PCNT: variants seen among roughly 807,000 people sequenced by gnomAD.
PCNT encodes the protein kendrin.
Under a neutral mutation model 380.4 loss-of-function variants are expected in PCNT, and 319 were observed. The observed-to-expected ratio is 0.84, with a 90% confidence interval of 0.77 to 0.92. The LOEUF is 0.92. Among genes scored for constraint, PCNT ranks in the 40% least tolerant of loss-of-function variants. The pLI is 0.00. For missense variants in PCNT, 4,400 were observed against 4,255.3 expected (o/e 1.03, Z -0.95); for synonymous variants, 1,845 against 1,735.2 (o/e 1.06, Z -1.57).
chr21:46,418,201 CAGG>C lies in PCNT; in HGVS notation c.6922_6924del (p.Glu2308del). ...TTATGACCATTTAAAAATCTCTTAA[CAGG>C]AGAAAGATGTCGAAGATTTTATCAC... On this transcript the variant is annotated splice_acceptor_variant and coding_sequence_variant, in exon 31 of 47. Coordinates refer to ENST00000359568, the MANE Select transcript of PCNT (RefSeq NM_006031.6). LOFTEE classifies it high-confidence loss of function. 3 of 1,553,304 alleles carry C rather than the reference CAGG, an allele frequency of 1.9e-6. No individual in the cohort carries two copies. In the South Asian group the frequency reaches 3.3e-5, roughly 17 times the overall value.
At chr21:46,364,987 A>G (rs2084848675) in intron 14 of PCNT, among the ~76,000 whole-genome samples, 2 of 152,366 alleles carry the variant, frequency 1.3e-5, no homozygotes, top group South Asian at 4.1e-4. Flanking sequence ...GGCATTTTGC[A>G]GGACCCTCCA....
Position 46,392,091 on chromosome 21 carries a change from A to T in PCNT, c.4216+715A>T, listed in dbSNP as rs146787663. 6.9e-3 allele frequency among the ~76,000 whole-genome samples: 1,045 copies of T among 151,786 alleles called. 5 individuals carry two copies. Among genetic ancestry groups the T allele is most frequent in the Non-Finnish European group, 0.011 (756 of 67,908 alleles). The stretch of plus-strand genomic sequence containing the variant: ...TTCAGAAGTCTCATTTATTATTATT[A>T]TTATTTTTTTACATTTTTCTCTTTA... On this transcript the variant is annotated intron_variant, in intron 21 of 46. Coordinates refer to ENST00000359568, the MANE Select transcript of PCNT (RefSeq NM_006031.6).
intron 15 of PCNT, among the ~76,000 whole-genome samples, chr21:46,369,539 A>T (rs2085045766): frequency 6.6e-6 from 1 of 152,276 alleles, no homozygotes; most frequent in Non-Finnish European, 1.5e-5. Flanking sequence ...GCTTTGGAGA[A>T]TAGCACTTGT....
Position 46,412,126 on chromosome 21 carries a change from G to A in PCNT, c.5994+59G>A, listed in dbSNP as rs73909504. On this transcript the variant is annotated intron_variant, in intron 28 of 46. Transcript: ENST00000359568. ...TTTTTTTACTCTCCTTTTCTCCTTT[G>A]ATGTCAATGACTTCTCTCTGCGCTG... is the stretch of plus-strand genomic sequence containing the variant. The A allele has an allele frequency of 0.091, 141,644 of 1,562,102 alleles. 11,959 individuals are homozygous for A. Among genetic ancestry groups the A allele is most frequent in the African/African-American group, 0.45 (33,296 of 74,080 alleles).
rs527475761 is a variant in PCNT, at chr21:46,388,637, G to A, written c.3465-105G>A. ...TCCGGCCCCGTGGGGACAGGCAGCCGTGGGCCGAGGTGTGCAAACTGGTGG... is the reference window on the plus strand; with the variant it reads ...TCCGGCCCCGTGGGGACAGGCAGCCATGGGCCGAGGTGTGCAAACTGGTGG... On this transcript the variant is annotated intron_variant, in intron 17 of 46. Transcript: ENST00000359568. The surrounding 1 kb of genome is among the most constrained non-coding windows in gnomAD (Gnocchi z 4.2). 20 of 1,420,912 alleles carry A rather than the reference G, an allele frequency of 1.4e-5. No individual in the cohort carries two copies. Among genetic ancestry groups the A allele is most frequent in the Non-Finnish European group, 1.7e-5 (17 of 1,018,116 alleles). The allele number at this position is 1,420,912 out of a possible 1,614,324, so 88.0% of individuals were successfully genotyped here.
In PCNT at chr21:46,346,956, CG is replaced by C. The variant is rs1569178132; in HGVS notation, c.937del (p.Glu313ArgfsTer16). On this transcript the variant is annotated frameshift_variant, in exon 5 of 47. Coordinates refer to ENST00000359568, the MANE Select transcript of PCNT (RefSeq NM_006031.6). LOFTEE classifies it high-confidence loss of function. ...ELELLREQHA[R>X]EKEEVVLRCG... ...GGAGCTCCTCAGGGAGCAGCACGCA[CG>C]GGAGAAGGAGGAGGTGGTGCTCAGG... 2 of 1,596,716 alleles carry C rather than the reference CG, an allele frequency of 1.3e-6. No individual in the cohort carries two copies.
Position 46,431,744 on chromosome 21 carries a change from C to T in PCNT, c.8280C>T (p.Ala2760=). Residue 2760 remains alanine, a synonymous_variant, in exon 38 of 47, where the codon GCC becomes GCT. Transcript: ENST00000359568. ...GCCGCACCCTGGAGCTGTCAGAGGC[C>T]TTGCGGCACGAGCGGCTCCTGACCG... ...EKSRTLELSE[A]LRHERLLTEQ... The T allele has an allele frequency of 1.9e-6, 3 of 1,612,506 alleles. No homozygotes were observed. Among genetic ancestry groups the T allele is most frequent in the Non-Finnish European group, 2.5e-6 (3 of 1,179,876 alleles).
chr21:46,407,113 G>A (rs938341229), intron 27 of PCNT, among the ~76,000 whole-genome samples: 1 of 152,190 alleles, frequency 6.6e-6, no homozygotes, highest in Admixed American at 6.5e-5. Context: ...TTTTCTGAAA[G>A]AGGTTATTTA....
chr21:46,433,783 T>G (rs1481304938), intron 38 of PCNT, among the ~76,000 whole-genome samples: 1 of 152,184 alleles, frequency 6.6e-6, no homozygotes, highest in African/African-American at 2.4e-5. Context: ...TTATTAATTT[T>G]TTTTTTGAGG....
chr21:46,325,675 G>A (rs928185137), intron 1 of PCNT, among the ~76,000 whole-genome samples: 15 of 152,202 alleles, frequency 9.9e-5, no homozygotes, highest in African/African-American at 3.6e-4. Context: ...GGGAACAGAT[G>A]TCTCCCCGTG....
rs1470060670 is a variant in PCNT at position 46,425,466 on chromosome 21, T to C, written c.7180-365T>C. Among the ~76,000 whole-genome samples, 2 of 152,252 alleles carry C rather than the reference T, an allele frequency of 1.3e-5. No homozygotes were observed. The highest frequency in any genetic ancestry group is 4.8e-5 in the African/African-American group (2 of 41,466). The stretch of plus-strand genomic sequence containing the variant: ...GGGAGTGTGTGATATGTTTGTGATC[T>C]CGCTGTGGACATTGGCCTAAAGCCC... On this transcript the variant is annotated intron_variant, in intron 32 of 46. Transcript: ENST00000359568. The surrounding 1 kb of genome is among the most constrained non-coding windows in gnomAD (Gnocchi z 4.2).
At chr21:46,349,305 G>C in intron 7 of PCNT, 119 bp downstream of exon 7, 1 of 901,892 alleles carries the variant, frequency 1.1e-6, no homozygotes, top group Non-Finnish European at 1.9e-6. Context: ...CTAAATGCTG[G>C]ATGGCCCCAT....
At chr21:46,431,051 A>T (rs765831593) in intron 37 of PCNT, 41 of 985,304 alleles carry the variant, frequency 4.2e-5, no homozygotes, top group Non-Finnish European at 4.8e-5. Flanking sequence ...GTGGCTTCTG[A>T]GCAAGTCTGT....
chr21:46,366,787 AG>A lies in PCNT; in HGVS notation c.2818del (p.Ala940LeufsTer51). ...CTGACAGCCTCCTTAGAGAGCAAGCAGGGGGCTCTGCTGGCTGCACGTGTGG... is the reference window on the plus strand; with the variant it reads ...CTGACAGCCTCCTTAGAGAGCAAGCAGGGGCTCTGCTGGCTGCACGTGTGG... ...GELTASLESK[Q>X]GALLAARVAE... On this transcript the variant is annotated frameshift_variant, in exon 15 of 47. Transcript: ENST00000359568. LOFTEE classifies it high-confidence loss of function. The A allele has an allele frequency of 6.2e-7, 1 of 1,613,770 alleles. No individual in the cohort carries two copies. The highest frequency in any genetic ancestry group is 8.5e-7 in the Non-Finnish European group (1 of 1,180,034).
At chr21:46,401,331 T>A (rs1360112864) in intron 25 of PCNT, among the ~76,000 whole-genome samples, 3 of 152,220 alleles carry the variant, frequency 2.0e-5, no homozygotes. Flanking sequence ...GGGCACAGGC[T>A]GTGGCTCTCA....
In PCNT at chr21:46,402,440, C is replaced by CT. The variant is rs2086459276; in HGVS notation, c.5073dup (p.Val1692CysfsTer7). On this transcript the variant is annotated frameshift_variant, in exon 27 of 47. Coordinates refer to ENST00000359568, the MANE Select transcript of PCNT (RefSeq NM_006031.6). LOFTEE classifies it high-confidence loss of function. ...TTGGACATGCAGAACAGCCAGACTG[C>CT]TGTCAGCCTCAGAGAACTTGAGGAA... is the stretch of plus-strand genomic sequence containing the variant. 6.2e-7 allele frequency: 1 copy of CT among 1,613,958 alleles called. No individual in the cohort carries two copies.
At chr21:46,379,060 G>A (rs1184442698) in intron 15 of PCNT, among the ~76,000 whole-genome samples, 1 of 152,192 alleles carries the variant, frequency 6.6e-6, no homozygotes, top group Non-Finnish European at 1.5e-5. Context: ...CTTCCTCTGG[G>A]ATTTCTTGAA....
At chr21:46,435,168 C>A (rs143180270) in intron 38 of PCNT, among the ~76,000 whole-genome samples, 2 of 152,230 alleles carry the variant, frequency 1.3e-5, no homozygotes, top group Non-Finnish European at 1.5e-5. Context: ...GAGGGGCCTC[C>A]CCTGTAACGC....
rs1226864050 is a variant in PCNT at position 46,326,455 on chromosome 21, G to A, written c.133G>A (p.Ala45Thr). Residue 45 changes from alanine to threonine, a missense_variant, in exon 2 of 47, where the codon GCT (alanine) becomes ACT (threonine). Ala to Thr is a moderately conservative substitution (Grantham distance 58, BLOSUM62 0). Coordinates refer to ENST00000359568, the MANE Select transcript of PCNT (RefSeq NM_006031.6). ...EKKTAKRKGS[A>T]VDASVQEESP... ...AAAGACGGCGAAGAGGAAGGGCTCG[G>A]CTGTCGATGCGTCTGTCCAGGAGGA... The A allele has an allele frequency of 1.9e-6, 3 of 1,614,134 alleles. No homozygotes were observed. The highest frequency in any genetic ancestry group is 2.7e-5 in the African/African-American group (2 of 74,950).
Sources: gnomAD v4.1 joint callset for allele counts (sites outside exome capture counted in the v4.1 genomes callset) on GRCh38, gnomAD v4.1.1 for gene constraint, Gnocchi (gnomAD v3.1) non-coding constraint, MANE v1.5 for transcripts, NCBI Gene and HGNC (gene_info 2026-07-23, HGNC 2026-07-21) for gene names.